Variants in GPRC5B observed in about 807,000 individuals in gnomAD.
GPRC5B encodes the protein G protein-coupled receptor class C group 5 member B, also known as G protein-coupled receptor family C group 5 member B.
In GPRC5B, 16 loss-of-function variants were observed where a neutral mutation model predicts 30.1. That is an observed-to-expected ratio of 0.53 (90% CI 0.36 to 0.81). The LOEUF (loss-of-function observed/expected upper bound fraction) is 0.81. GPRC5B is among the 30% of genes least tolerant of loss of function. The pLI is 0.01. For missense variants in GPRC5B, 428 were observed against 544.7 expected, an observed-to-expected ratio of 0.79 and a Z score of 2.13; for synonymous variants, 241 against 239.5, an observed-to-expected ratio of 1.01 and a Z score of -0.06.
In GPRC5B at chr16:19,865,708, G is replaced by C. The variant is rs542730290; in HGVS notation, c.1031-3735C>G. Among the ~76,000 whole-genome samples the C allele has an allele frequency of 2.0e-5, 3 of 152,278 alleles. No homozygotes were observed. The East Asian group carries it at 5.8e-4, about 29-fold the overall frequency. ...GTTCATTGCAGCACTGTTTATCGTT[G>C]AGAGTCAGAAGCAGGCAGAATATTC... On this transcript the variant is annotated intron_variant, in intron 2 of 3. Coordinates refer to ENST00000300571, the MANE Select transcript of GPRC5B (RefSeq NM_016235.3).
intron 2 of GPRC5B, among the ~76,000 whole-genome samples, chr16:19,864,744 A>G (rs2056653205): frequency 6.6e-6 from 1 of 152,206 alleles, no homozygotes; most frequent in Non-Finnish European, 1.5e-5. Context: ...CCTGGTTCCT[A>G]AAATACAAGC....
Position 19,858,121 on chromosome 16 carries a change from C to T in GPRC5B, c.*2379G>A, listed in dbSNP as rs190135611. The T allele has an allele frequency of 1.3e-3, 241 of 185,984 alleles. 3 individuals are homozygous for T. Among genetic ancestry groups the T allele is most frequent in the African/African-American group, 4.8e-3 (205 of 43,002 alleles). 11.5% of individuals were successfully genotyped at this position (185,984 alleles called of 1,614,324 possible). On this transcript the variant is annotated 3_prime_UTR_variant, in exon 4 of 4. Transcript: ENST00000300571. ...AATTTTGTCTTTAAACCTTGCTCCACGGGGGGCAGCTGGCTGCTACAGTCT... is the reference window on the plus strand; with the variant it reads ...AATTTTGTCTTTAAACCTTGCTCCATGGGGGGCAGCTGGCTGCTACAGTCT...
Position 19,859,240 on chromosome 16 carries a change from A to G in GPRC5B, c.*1260T>C, listed in dbSNP as rs939780054. 6.5e-6 allele frequency: 1 copy of G among 152,678 alleles called. No homozygotes were observed. The highest frequency in any genetic ancestry group is 2.4e-5 in the African/African-American group (1 of 41,464). 9.5% of individuals were successfully genotyped at this position (152,678 alleles called of 1,614,324 possible). Reference sequence around the variant, plus strand: ...ATGCTGGCCAAACAGTGCAGAGAACATGGGGGCTTTGAATGGCCGAGATGT... The same window carrying G: ...ATGCTGGCCAAACAGTGCAGAGAACGTGGGGGCTTTGAATGGCCGAGATGT... On this transcript the variant is annotated 3_prime_UTR_variant, in exon 4 of 4. Coordinates refer to ENST00000300571, the MANE Select transcript of GPRC5B (RefSeq NM_016235.3).
At chr16:19,885,192 A>G, upstream of GPRC5B, 1 of 1,287,126 alleles carries the variant, frequency 7.8e-7, no homozygotes, top group African/African-American at 1.5e-5. The surrounding 1 kb of genome is among the most constrained non-coding windows in gnomAD (Gnocchi z 5.3). Flanking sequence ...TCCCCTAGCC[A>G]ATACACTTAC....
At chr16:19,885,052 G>T (rs1263377665), upstream of GPRC5B, 11 of 680,786 alleles carry the variant, frequency 1.6e-5, no homozygotes, top group Admixed American at 3.0e-4. The surrounding 1 kb of genome is among the most constrained non-coding windows in gnomAD (Gnocchi z 5.3). Flanking sequence ...CTTCTAGCCC[G>T]GATCTCAGAG....
In GPRC5B at chr16:19,878,200, A is replaced by AAAACAAAC. The variant is rs147229390; in HGVS notation, c.-1-5362_-1-5355dup. 1.5e-3 allele frequency among the ~76,000 whole-genome samples: 204 copies of AAAACAAAC among 132,608 alleles called. No individual in the cohort carries two copies. The Middle Eastern group carries it at 0.019, about 13-fold the overall frequency. 87.0% of individuals were successfully genotyped at this position (132,608 alleles called of 152,430 possible). On this transcript the variant is annotated intron_variant, in intron 1 of 3. Transcript: ENST00000300571. ...GGCAACAGAGTGAGACTCCGTCTTA[A>AAAACAAAC]AAACAAACAAACAAACAAACAAACA...
At chr16:19,862,913 C>CA (rs1318456813) in intron 2 of GPRC5B, among the ~76,000 whole-genome samples, 1 of 152,124 alleles carries the variant, frequency 6.6e-6, no homozygotes, top group East Asian at 1.9e-4. Flanking sequence ...GTCTCACACA[C>CA]AAAAAGTCTT....
rs966254466 is a variant in GPRC5B at position 19,872,909 on chromosome 16, C to A, written c.-1-63G>T. ...AAGATGAATTCATTGGAAGACTCCCCCTCTCCTGACTTCTTGAAGAAGACT... is the reference window on the plus strand; with the variant it reads ...AAGATGAATTCATTGGAAGACTCCCACTCTCCTGACTTCTTGAAGAAGACT... On this transcript the variant is annotated intron_variant, in intron 1 of 3. Transcript: ENST00000300571. This position sits in a 1 kb window ranked among gnomAD's most constrained non-coding sequence, Gnocchi z 5.0. 8.4e-6 allele frequency: 10 copies of A among 1,195,728 alleles called. No homozygotes were observed. Among genetic ancestry groups the A allele is most frequent in the South Asian group, 1.3e-5 (1 of 75,094 alleles). 74.1% of individuals were successfully genotyped at this position (1,195,728 alleles called of 1,614,324 possible).
In GPRC5B at chr16:19,872,022, G is replaced by T. The variant is rs149281124; in HGVS notation, c.824C>A (p.Thr275Lys). The T allele has an allele frequency of 6.1e-5, 98 of 1,614,036 alleles. No individual in the cohort carries two copies. In the South Asian group the frequency reaches 8.8e-4, roughly 14 times the overall value. ...GAAGACCCAGCCGCTGGCCGCCAGC[G>T]TGATGGCCAAGGTGGGGTCGTTCCA... is the stretch of plus-strand genomic sequence containing the variant. ...DAWNDPTLAITLAASGWVFVI... is the reference protein window; with the variant it reads ...DAWNDPTLAIKLAASGWVFVI... The change falls in exon 2 of 4, where the codon ACG becomes AAG. Residue 275 changes from threonine (T) to lysine (K), a missense_variant. By Grantham distance (78) the Thr-to-Lys change is moderately conservative. Coordinates refer to ENST00000300571, the MANE Select transcript of GPRC5B (RefSeq NM_016235.3). The surrounding 1 kb of genome is among the most constrained non-coding windows in gnomAD (Gnocchi z 5.0).
In GPRC5B at chr16:19,858,432, T is replaced by G; in HGVS notation, c.*2068A>C. On this transcript the variant is annotated 3_prime_UTR_variant, in exon 4 of 4. Transcript: ENST00000300571. Reference sequence around the variant, plus strand: ...GGCAGCCATTTGTGCTGTGCTCACCTTATATGCTTGGACAATAAAGAACTT... The same window carrying G: ...GGCAGCCATTTGTGCTGTGCTCACCGTATATGCTTGGACAATAAAGAACTT... 3.1e-6 allele frequency: 2 copies of G among 644,552 alleles called. No homozygotes were observed. The highest frequency in any genetic ancestry group is 5.6e-6 in the Non-Finnish European group (2 of 354,380). The allele number at this position is 644,552 out of a possible 1,614,324, so 39.9% of individuals were successfully genotyped here.
At chr16:19,884,663 C>G in intron 1 of GPRC5B, 64 bp downstream of exon 1, 3 of 980,100 alleles carry the variant, frequency 3.1e-6, no homozygotes, top group Non-Finnish European at 3.6e-6. Flanking sequence ...CCCAAATCCA[C>G]GGCGGGAAAA....
In GPRC5B at chr16:19,860,409, G is replaced by A. The variant is rs1451848740; in HGVS notation, c.*91C>T. ...TCCTGGCTGTGAGGCGGCCTGGTTC[G>A]GCAACTGTTACCGATTTCTCCCTCA... On this transcript the variant is annotated 3_prime_UTR_variant, in exon 4 of 4. Coordinates refer to ENST00000300571, the MANE Select transcript of GPRC5B (RefSeq NM_016235.3). The A allele has an allele frequency of 2.0e-5, 16 of 810,852 alleles. No homozygotes were observed. Among genetic ancestry groups the A allele is most frequent in the African/African-American group, 5.1e-5 (3 of 58,412 alleles). 50.2% of individuals were successfully genotyped at this position (810,852 alleles called of 1,614,324 possible).
intron 1 of GPRC5B, among the ~76,000 whole-genome samples, chr16:19,881,726 G>C (rs1481631984): frequency 6.6e-6 from 1 of 152,184 alleles, no homozygotes; most frequent in African/African-American, 2.4e-5. Flanking sequence ...AGTTAGCAGT[G>C]AGCCGAGATT....
At chr16:19,881,241 G>A (rs2056804919) in intron 1 of GPRC5B, among the ~76,000 whole-genome samples, 1 of 152,164 alleles carries the variant, frequency 6.6e-6, no homozygotes, top group East Asian at 1.9e-4. Context: ...TGGGGATAAT[G>A]ATAGCGCTGC....
In GPRC5B at chr16:19,858,222, C is replaced by T; in HGVS notation, c.*2278G>A. On this transcript the variant is annotated 3_prime_UTR_variant, in exon 4 of 4. Coordinates refer to ENST00000300571, the MANE Select transcript of GPRC5B (RefSeq NM_016235.3). ...AACAGCTCTCTCCCTTCTCCTCTCA[C>T]TCCCGCCTCCGCCCCCATTATGAAG... The T allele has an allele frequency of 2.9e-6, 1 of 349,154 alleles. No homozygotes were observed. The highest frequency in any genetic ancestry group is 5.1e-6 in the Non-Finnish European group (1 of 195,806). The allele number at this position is 349,154 out of a possible 1,614,324, so 21.6% of individuals were successfully genotyped here. A position where few individuals can be genotyped will look rare whatever the true frequency, so the allele number is the denominator to read the frequency against.
intron 1 of GPRC5B, among the ~76,000 whole-genome samples, chr16:19,882,808 C>G (rs957447499): frequency 8.5e-5 from 13 of 152,156 alleles, no homozygotes; most frequent in Admixed American, 2.0e-4. Flanking sequence ...ATTCCCCTAT[C>G]CCCACCCCCA....
At chr16:19,869,603 G>C (rs1455381632) in intron 2 of GPRC5B, among the ~76,000 whole-genome samples, 2 of 151,990 alleles carry the variant, frequency 1.3e-5, no homozygotes, top group Non-Finnish European at 2.9e-5. Context: ...GGTCCTATTG[G>C]GTTCCTATGC....
At position 19,876,814 on chromosome 16, in the gene GPRC5B, C is replaced by T. The variant is rs556201786; in HGVS notation, c.-1-3968G>A. Among the ~76,000 whole-genome samples, 4 of 152,350 alleles carry T rather than the reference C, an allele frequency of 2.6e-5. No individual in the cohort carries two copies. In the East Asian group the frequency reaches 5.8e-4, roughly 22 times the overall value. On this transcript the variant is annotated intron_variant, in intron 1 of 3. Coordinates refer to ENST00000300571, the MANE Select transcript of GPRC5B (RefSeq NM_016235.3). ...GCTCTTCCGGGACAGCTGTTGTTTT[C>T]GCTGCTCAGCATCCGCTTCTCCCAT...
intron 2 of GPRC5B, among the ~76,000 whole-genome samples, chr16:19,865,154 C>T (rs1015943627): frequency 3.3e-5 from 5 of 151,994 alleles, no homozygotes; most frequent in Admixed American, 1.3e-4. Flanking sequence ...AAGTAATCCT[C>T]CTGCCTCAGC....
Sources: gnomAD v4.1 joint callset for allele counts (sites outside exome capture counted in the v4.1 genomes callset) on GRCh38, gnomAD v4.1.1 for gene constraint, Gnocchi (gnomAD v3.1) non-coding constraint, MANE v1.5 for transcripts, NCBI Gene and HGNC (gene_info 2026-07-23, HGNC 2026-07-21) for gene names.